The following AGBL1 variants were observed in gnomAD, a reference collection of about 807,000 sequenced individuals.
AGBL1 encodes the protein cytosolic carboxypeptidase 4.
Under a neutral mutation model 118.9 loss-of-function variants are expected in AGBL1, and 130 were observed. The observed-to-expected ratio is 1.09, with a 90% CI of 0.95 to 1.26. The LOEUF is 1.26. AGBL1 is among the 50% of genes most tolerant of loss of function. The pLI, the probability that AGBL1 is intolerant of heterozygous loss-of-function variation, is 0.00. For missense variants in AGBL1, 1,584 were observed against 1,298.1 expected, an observed-to-expected ratio of 1.22 and a Z score of -3.38; for synonymous variants, 555 against 478.9, an observed-to-expected ratio of 1.16 and a Z score of -2.08.
chr15:86,266,302 C>A, intron 11 of AGBL1, 72 bp from the exon 12 acceptor site: 1 of 1,151,852 alleles, frequency 8.7e-7, no homozygotes, highest in Non-Finnish European at 1.2e-6. Context: ...AAGTTCTTCC[C>A]AGGTGATCAC....
chr15:86,430,055 A>C (rs948528452), intron 18 of AGBL1, among the ~76,000 whole-genome samples: 1 of 152,236 alleles, frequency 6.6e-6, no homozygotes, highest in Non-Finnish European at 1.5e-5. Context: ...AGACATTGCG[A>C]ATCAAAGCAT....
chr15:86,972,499 A>G (rs2081118506), intron 23 of AGBL1, among the ~76,000 whole-genome samples: 1 of 152,004 alleles, frequency 6.6e-6, no homozygotes, highest in East Asian at 1.9e-4. Context: ...AAATTATTAA[A>G]TTTATAACTT....
chr15:86,844,743 A>G (rs1250480080), intron 22 of AGBL1, among the ~76,000 whole-genome samples: 1 of 152,142 alleles, frequency 6.6e-6, no homozygotes, highest in East Asian at 1.9e-4. Flanking sequence ...TTAATCTTAT[A>G]TATCATGCTT....
At chr15:86,203,267 G>T (rs2077936651) in intron 5 of AGBL1, among the ~76,000 whole-genome samples, 3 of 152,122 alleles carry the variant, frequency 2.0e-5, no homozygotes, top group Admixed American at 1.3e-4. Context: ...ACATTTTCAA[G>T]AGCCTGAGAG....
At chr15:86,970,204 C>A (rs572177414) in intron 23 of AGBL1, among the ~76,000 whole-genome samples, 1 of 151,768 alleles carries the variant, frequency 6.6e-6, no homozygotes, top group African/African-American at 2.4e-5. Flanking sequence ...TCAGAACAAC[C>A]CCTGAATGAG....
chr15:86,080,626 G>A (rs1235337708), intron 1 of AGBL1, among the ~76,000 whole-genome samples: 1 of 152,176 alleles, frequency 6.6e-6, no homozygotes, highest in East Asian at 1.9e-4. Context: ...GAGAATTCTT[G>A]TTCTACAGCA....
At chr15:86,806,600 C>G (rs1372072033) in intron 22 of AGBL1, among the ~76,000 whole-genome samples, 1 of 152,108 alleles carries the variant, frequency 6.6e-6, no homozygotes, top group Non-Finnish European at 1.5e-5. Context: ...AAGCAAGCTT[C>G]TTAACCTCTC....
At chr15:87,004,036 T>A (rs2081470244) in intron 24 of AGBL1, among the ~76,000 whole-genome samples, 2 of 152,218 alleles carry the variant, frequency 1.3e-5, no homozygotes, top group Non-Finnish European at 2.9e-5. Context: ...CTTGATTCTC[T>A]AGTTCTTTCA....
chr15:86,438,699 T>A (rs933933993), intron 18 of AGBL1, among the ~76,000 whole-genome samples: 1 of 148,368 alleles, frequency 6.7e-6, no homozygotes, highest in Non-Finnish European at 1.5e-5. Context: ...TCTCGCTCTG[T>A]CACCCAGGCT....
At chr15:86,388,489 G>C (rs933116904) in intron 17 of AGBL1, among the ~76,000 whole-genome samples, 8 of 152,200 alleles carry the variant, frequency 5.3e-5, no homozygotes, top group African/African-American at 1.7e-4. Context: ...GTGCAGCAAA[G>C]ACTTAGGAGA....
chr15:86,185,194 A>C (rs1567111534), intron 5 of AGBL1, among the ~76,000 whole-genome samples: 1 of 152,200 alleles, frequency 6.6e-6, no homozygotes, highest in Non-Finnish European at 1.5e-5. Flanking sequence ...TACAAATCAA[A>C]ACCACAATGA....
chr15:86,533,613 T>C lies in AGBL1; in HGVS notation c.2685+10674T>C, dbSNP rs966943363. Among the ~76,000 whole-genome samples the C allele has an allele frequency of 3.3e-4, 45 of 138,066 alleles. 1 individual carries two copies. The highest frequency in any genetic ancestry group is 1.3e-3 in the African/African-American group (44 of 33,812). The allele number at this position is 138,066 out of a possible 152,430, so 90.6% of individuals were successfully genotyped here. A position where few individuals can be genotyped will look rare whatever the true frequency, so the allele number is the denominator to read the frequency against. Reference sequence around the variant, plus strand: ...TGGACCCAGCCATCCCATTACTGGGTATATACCCAAATGACTATAAATCAT... The same window carrying C: ...TGGACCCAGCCATCCCATTACTGGGCATATACCCAAATGACTATAAATCAT... On this transcript the variant is annotated intron_variant, in intron 19 of 22. Transcript: ENST00000614907.
chr15:86,264,669 C>T lies in AGBL1; in HGVS notation c.1498C>T (p.Gln500Ter), dbSNP rs766018404. Residue 500 changes from glutamine (Q) to a stop codon, truncating the protein, a stop_gained, in exon 11 of 23, where the codon CAG becomes TAG. Coordinates refer to ENST00000614907, the MANE Select transcript of AGBL1 (RefSeq NM_001386094.1). LOFTEE classifies it high-confidence loss of function. ...TGTCAAAGTAATAGATAAGCTTCTG[C>T]AGACACATCTGAAGCGTGTCCCTTT... Reference protein sequence around the residue: ...EVVKVIDKLLQTHLKRVPFHD... With the variant: ...EVVKVIDKLL The T allele has an allele frequency of 1.3e-5, 21 of 1,613,896 alleles. No homozygotes were observed. The highest frequency in any genetic ancestry group is 4.2e-6 in the Non-Finnish European group (5 of 1,179,894).
At chr15:86,744,863 C>A (rs2077731858) in intron 22 of AGBL1, among the ~76,000 whole-genome samples, 1 of 152,032 alleles carries the variant, frequency 6.6e-6, no homozygotes, top group East Asian at 1.9e-4. Flanking sequence ...AGTGCTAGAC[C>A]CAGGTGCCAG....
At chr15:87,021,352 TA>T (rs1326608411) in intron 24 of AGBL1, among the ~76,000 whole-genome samples, 25 of 152,130 alleles carry the variant, frequency 1.6e-4, no homozygotes, top group Admixed American at 1.6e-3. Flanking sequence ...CAAGATGGTT[TA>T]AAGACTTACT....
chr15:86,990,746 T>TAAAC (rs2081329918), intron 24 of AGBL1, among the ~76,000 whole-genome samples: 1 of 152,252 alleles, frequency 6.6e-6, no homozygotes, highest in Non-Finnish European at 1.5e-5. Context: ...CTCAGGGAGT[T>TAAAC]AGCTTGGAGG....
At chr15:86,429,993 A>T (rs559540275) in intron 18 of AGBL1, among the ~76,000 whole-genome samples, 18 of 152,336 alleles carry the variant, frequency 1.2e-4, no homozygotes, top group African/African-American at 4.1e-4. Context: ...GCCTATTTCA[A>T]TTCCAACATT....
intron 22 of AGBL1, among the ~76,000 whole-genome samples, chr15:86,775,356 T>C (rs1210643104): frequency 6.6e-6 from 1 of 152,070 alleles, no homozygotes; most frequent in Non-Finnish European, 1.5e-5. Context: ...CAAAAGGCAA[T>C]TGGGATCTCC....
intron 18 of AGBL1, among the ~76,000 whole-genome samples, chr15:86,405,775 T>C (rs1393530712): frequency 1.3e-5 from 2 of 151,994 alleles, no homozygotes; most frequent in African/African-American, 4.8e-5. Flanking sequence ...AAGGAATTAG[T>C]ACAAATCTAA....
Sources: gnomAD v4.1 joint callset for allele counts (sites outside exome capture counted in the v4.1 genomes callset) on GRCh38, gnomAD v4.1.1 for gene constraint, MANE v1.5 for transcripts, NCBI Gene and HGNC (gene_info 2026-07-23, HGNC 2026-07-21) for gene names.